The following DCLK2 variants were observed in gnomAD, a reference collection of about 807,000 sequenced individuals.
DCLK2 encodes doublecortin like kinase 2.
In DCLK2, 31 loss-of-function variants were observed where a neutral mutation model predicts 78.4. The ratio of observed to expected loss-of-function variants is 0.40; its 90% CI spans 0.30 to 0.53. The LOEUF (loss-of-function observed/expected upper bound fraction) is 0.53, where lower values mean the gene tolerates loss of function less well. DCLK2 is among the 20% of genes least tolerant of loss of function. The pLI is 0.61. For synonymous variants in DCLK2, 407 were observed against 374.9 expected, an observed-to-expected ratio of 1.09 and a Z score of -0.99; for missense variants, 872 against 973.7, an observed-to-expected ratio of 0.90 and a Z score of 1.39.
chr4:150,244,643 G>A (rs1743170213), intron 12 of DCLK2, among the ~76,000 whole-genome samples: 1 of 152,228 alleles, frequency 6.6e-6, no homozygotes, highest in African/African-American at 2.4e-5. Context: ...GCCAGATTGT[G>A]GAGTATCAAT....
chr4:150,238,982 A>G (rs542722640), intron 10 of DCLK2, among the ~76,000 whole-genome samples: 10 of 152,326 alleles, frequency 6.6e-5, no homozygotes, highest in Admixed American at 5.9e-4. Context: ...TAAACATGCT[A>G]GTGCCGTGGA....
intron 10 of DCLK2, among the ~76,000 whole-genome samples, chr4:150,237,205 GT>G (rs920058514): frequency 6.7e-6 from 1 of 150,296 alleles, no homozygotes; most frequent in African/African-American, 2.4e-5. Flanking sequence ...CAAAGTCTGG[GT>G]TTTGGTAAAA....
At position 150,245,507 on chromosome 4, in the gene DCLK2, A is replaced by ATCCCTC. The variant is rs201834546; in HGVS notation, c.1779-2095_1779-2090dup. 9.2e-5 allele frequency among the ~76,000 whole-genome samples: 14 copies of ATCCCTC among 152,186 alleles called. No individual in the cohort carries two copies. In the East Asian group the frequency reaches 2.7e-3, roughly 29 times the overall value. The stretch of plus-strand genomic sequence containing the variant: ...TACATTAGGTATATCTCCTAATGCT[A>ATCCCTC]TCCCTCCCCCTTCCCCTACCCCATG... On this transcript the variant is annotated intron_variant, in intron 12 of 15. Transcript: ENST00000296550.
At chr4:150,129,090 A>G (rs890642384) in intron 2 of DCLK2, among the ~76,000 whole-genome samples, 9 of 152,144 alleles carry the variant, frequency 5.9e-5, no homozygotes, top group South Asian at 2.1e-4. Context: ...GTGAAGTGCA[A>G]TTATATTTGG....
intron 2 of DCLK2, among the ~76,000 whole-genome samples, chr4:150,135,875 T>A (rs956052057): frequency 2.0e-5 from 3 of 152,244 alleles, no homozygotes; most frequent in African/African-American, 7.2e-5. Context: ...GGAAGCTGCT[T>A]GCTTATGGAA....
chr4:150,224,386 A>C, intron 7 of DCLK2, 115 bp from the exon 8 acceptor site: 1 of 886,890 alleles, frequency 1.1e-6, no homozygotes, highest in Non-Finnish European at 1.7e-6. Context: ...TGGGCAACAT[A>C]ATGAGATCTC....
intron 2 of DCLK2, among the ~76,000 whole-genome samples, chr4:150,104,521 G>A (rs995219026): frequency 2.0e-5 from 3 of 148,816 alleles, no homozygotes; most frequent in Non-Finnish European, 4.4e-5. Flanking sequence ...GACTATAGAT[G>A]TAAAAATGTT....
chr4:150,198,417 C>G (rs767713250), intron 4 of DCLK2, among the ~76,000 whole-genome samples: 1 of 152,000 alleles, frequency 6.6e-6, no homozygotes, highest in Non-Finnish European at 1.5e-5. Context: ...ATTTTGTGCT[C>G]TATGATTGTG....
Position 150,175,011 on chromosome 4 carries a change from A to AAAAAAAAAATATATATATATATAT in DCLK2, c.757-18126_757-18125insAAAAAAAATATATATATATATATA, listed in dbSNP as rs1454035697. Among the ~76,000 whole-genome samples, 3 of 9,974 alleles carry AAAAAAAAAATATATATATATATAT rather than the reference A, an allele frequency of 3.0e-4. 1 individual carries two copies. The highest frequency in any genetic ancestry group is 5.3e-4 in the African/African-American group (2 of 3,790). The allele number at this position is 9,974 out of a possible 152,430, so 6.5% of individuals were successfully genotyped here. ...AGACTCCGTCGCAAAAAAAAAAAAA[A>AAAAAAAAAATATATATATATATAT]ATATATATATATATATATATATTTA... On this transcript the variant is annotated intron_variant, in intron 2 of 15. Coordinates refer to ENST00000296550, the MANE Select transcript of DCLK2 (RefSeq NM_001040260.4).
intron 3 of DCLK2, among the ~76,000 whole-genome samples, chr4:150,196,050 A>T (rs761088193): frequency 6.6e-6 from 1 of 152,060 alleles, no homozygotes; most frequent in Non-Finnish European, 1.5e-5. Flanking sequence ...AGATACGTTT[A>T]TTAGGAGGCA....
At chr4:150,193,110 A>G (rs1432429365) in intron 2 of DCLK2, 28 bp from the exon 3 acceptor site, 1 of 1,396,444 alleles carries the variant, frequency 7.2e-7, no homozygotes, top group South Asian at 1.2e-5. Flanking sequence ...TGTCTAATTT[A>G]TTTCTTGGAC....
intron 2 of DCLK2, among the ~76,000 whole-genome samples, chr4:150,141,547 CT>C (rs1416678089): frequency 6.6e-6 from 1 of 152,172 alleles, no homozygotes; most frequent in East Asian, 1.9e-4. Flanking sequence ...GCATTGGACT[CT>C]TACCATTTTA....
chr4:150,124,054 T>C (rs1732757835), intron 2 of DCLK2, among the ~76,000 whole-genome samples: 2 of 152,136 alleles, frequency 1.3e-5, no homozygotes, highest in East Asian at 3.9e-4. Context: ...CTTTTGGTTT[T>C]AAATAAAGAA....
At chr4:150,139,380 G>T (rs547832554) in intron 2 of DCLK2, among the ~76,000 whole-genome samples, 102 of 152,280 alleles carry the variant, frequency 6.7e-4, no homozygotes, top group African/African-American at 2.3e-3. Context: ...GGCACACTAG[G>T]TGTGTAAAAG....
intron 10 of DCLK2, among the ~76,000 whole-genome samples, chr4:150,237,679 T>TC (rs1374547132): frequency 6.6e-6 from 1 of 152,098 alleles, no homozygotes; most frequent in African/African-American, 2.4e-5. Context: ...TTTAAATCAC[T>TC]CCCCCTCATT....
At chr4:150,087,802 A>G (rs1302101160) in intron 1 of DCLK2, among the ~76,000 whole-genome samples, 1 of 152,252 alleles carries the variant, frequency 6.6e-6, no homozygotes, top group Non-Finnish European at 1.5e-5. Flanking sequence ...CAGGTAGGTC[A>G]AATCATTTCT....
chr4:150,125,187 G>A (rs1245716619), intron 2 of DCLK2, among the ~76,000 whole-genome samples: 1 of 151,962 alleles, frequency 6.6e-6, no homozygotes, highest in Non-Finnish European at 1.5e-5. Flanking sequence ...AAGAACTTTT[G>A]TCCTTTGGTT....
chr4:150,153,380 C>T (rs7662296), intron 2 of DCLK2, among the ~76,000 whole-genome samples: 1 of 151,560 alleles, frequency 6.6e-6, no homozygotes, highest in Non-Finnish European at 1.5e-5. Context: ...CAGCCTTGAT[C>T]CCTATTTGTG....
intron 12 of DCLK2, among the ~76,000 whole-genome samples, chr4:150,245,438 A>G (rs778960423): frequency 2.6e-5 from 4 of 152,102 alleles, no homozygotes; most frequent in Non-Finnish European, 5.9e-5. Flanking sequence ...TTACATATGT[A>G]TACATGCGTC....
Sources: allele counts gnomAD v4.1 joint callset (sites outside exome capture counted in the v4.1 genomes callset), GRCh38; gene constraint gnomAD v4.1.1; transcripts MANE v1.5; gene names NCBI Gene and HGNC (gene_info 2026-07-23, HGNC 2026-07-21).